CBR4: variants seen among roughly 807,000 people sequenced by gnomAD.
CBR4 encodes 3-oxoacyl-[acyl-carrier-protein] reductase.
Under a neutral mutation model 21.0 loss-of-function variants are expected in CBR4, and 22 were observed. That is an observed-to-expected ratio of 1.05 (90% confidence interval 0.75 to 1.50). The LOEUF is 1.50. Among genes scored for constraint, CBR4 ranks in the 40% most tolerant of loss-of-function variants. The pLI, the probability that CBR4 is intolerant of heterozygous loss-of-function variation, is 0.00. For synonymous variants in CBR4, 100 were observed against 104.4 expected, an observed-to-expected ratio of 0.96 and a Z score of 0.26; for missense variants, 302 against 286.3, an observed-to-expected ratio of 1.05 and a Z score of -0.40.
At chr4:168,944,678 G>A (rs1272911515) in intron 2 of CBR4, among the ~76,000 whole-genome samples, 1 of 152,124 alleles carries the variant, frequency 6.6e-6, no homozygotes, top group African/African-American at 2.4e-5. Flanking sequence ...AAAGAACATG[G>A]AAGAATTTAA....
At chr4:168,904,441 G>C (rs991139797) in intron 2 of CBR4, among the ~76,000 whole-genome samples, 4 of 152,148 alleles carry the variant, frequency 2.6e-5, no homozygotes, top group African/African-American at 9.7e-5. Context: ...TTTGCCTTTA[G>C]ACTTAGGGTC....
chr4:168,904,585 G>GT (rs1167315143), intron 2 of CBR4, among the ~76,000 whole-genome samples: 3 of 151,910 alleles, frequency 2.0e-5, no homozygotes, highest in African/African-American at 7.3e-5. Flanking sequence ...ACAAAAATGA[G>GT]TAAAAAGTTA....
intron 2 of CBR4, chr4:168,916,082 C>T: frequency 6.5e-7 from 1 of 1,527,006 alleles, no homozygotes; most frequent in Non-Finnish European, 9.0e-7. Context: ...CCTCACTTGC[C>T]ATTTCTCTAT....
chr4:169,008,122 A>T (rs1156432225), intron 1 of CBR4, among the ~76,000 whole-genome samples: 1 of 152,008 alleles, frequency 6.6e-6, no homozygotes, highest in Non-Finnish European at 1.5e-5. Context: ...CCTTTTTTGA[A>T]ATTTATGTCT....
rs70961565 is a variant in CBR4 at position 168,959,874 on chromosome 4, T to TAA, written n.169+42195_169+42196dup. 8.6e-3 allele frequency among the ~76,000 whole-genome samples: 1,235 copies of TAA among 143,598 alleles called. 7 individuals carry two copies. The highest frequency in any genetic ancestry group is 0.021 in the South Asian group (95 of 4,530). 94.2% of individuals were successfully genotyped at this position (143,598 alleles called of 152,430 possible). ...CACCACGCCCAGCCTCAATTTCTAT[T>TAA]AAAAAAAAAAAAAAACCTTCTGAAA... is the stretch of plus-strand genomic sequence containing the variant. On this transcript the variant is annotated intron_variant and non_coding_transcript_variant, in intron 2 of 3. Transcript: ENST00000509108.
intron 2 of CBR4, chr4:168,904,146 T>C (rs1757130119): frequency 2.0e-6 from 1 of 500,190 alleles, no homozygotes. Context: ...GGGTCTAATA[T>C]GTACACACTT....
At chr4:168,946,731 A>T (rs1227159500) in intron 2 of CBR4, among the ~76,000 whole-genome samples, 2 of 152,218 alleles carry the variant, frequency 1.3e-5, no homozygotes, top group East Asian at 3.8e-4. Context: ...AAATATTGAC[A>T]AATGTAACCC....
At chr4:168,993,104 T>C (rs952472453) in intron 4 of CBR4, among the ~76,000 whole-genome samples, 1 of 152,294 alleles carries the variant, frequency 6.6e-6, no homozygotes, top group African/African-American at 2.4e-5. Context: ...GAAACTTAAT[T>C]TACAGTGAAG....
intron 4 of CBR4, among the ~76,000 whole-genome samples, chr4:168,998,607 A>T (rs1031086314): frequency 6.6e-6 from 1 of 152,168 alleles, no homozygotes; most frequent in Non-Finnish European, 1.5e-5. Flanking sequence ...TGTGGTGAAG[A>T]TTGAACAATT....
chr4:168,968,934 A>G (rs1027370368), intron 2 of CBR4, among the ~76,000 whole-genome samples: 2 of 152,230 alleles, frequency 1.3e-5, no homozygotes, highest in African/African-American at 4.8e-5. Context: ...CATGCTGATT[A>G]TGCATTCAGG....
At chr4:168,900,073 T>C (rs1756160075) in intron 2 of CBR4, among the ~76,000 whole-genome samples, 1 of 151,536 alleles carries the variant, frequency 6.6e-6, no homozygotes, top group African/African-American at 2.4e-5. Context: ...ACAGCAAGAG[T>C]AGGAGCAACA....
chr4:168,947,892 C>T (rs1763436897), intron 2 of CBR4, among the ~76,000 whole-genome samples: 2 of 152,282 alleles, frequency 1.3e-5, no homozygotes, highest in South Asian at 4.1e-4. Flanking sequence ...GGTAGATACT[C>T]AGTAGTGGGA....
At chr4:168,911,966 G>A (rs1013045578) in intron 2 of CBR4, among the ~76,000 whole-genome samples, 1 of 151,988 alleles carries the variant, frequency 6.6e-6, no homozygotes, top group Non-Finnish European at 1.5e-5. Context: ...TCTCCTGTCT[G>A]TATTACATTC....
intron 4 of CBR4, among the ~76,000 whole-genome samples, chr4:168,997,502 G>A (rs1029854586): frequency 2.6e-5 from 4 of 152,134 alleles, no homozygotes; most frequent in African/African-American, 9.7e-5. Flanking sequence ...ACTGAGGCAG[G>A]AGGATCGCTT....
intron 2 of CBR4, among the ~76,000 whole-genome samples, chr4:168,916,350 A>G (rs912688255): frequency 9.9e-5 from 15 of 152,108 alleles, no homozygotes; most frequent in Admixed American, 3.3e-4. Context: ...AGCTGAAGCT[A>G]TGTGAGCTAT....
intron 2 of CBR4, among the ~76,000 whole-genome samples, chr4:168,955,473 AG>A (rs1763658654): frequency 6.6e-6 from 1 of 152,112 alleles, no homozygotes; most frequent in Non-Finnish European, 1.5e-5. Flanking sequence ...GTATTGCTGG[AG>A]CTATGGATAG....
At chr4:168,922,375 C>T (rs945905626) in intron 2 of CBR4, among the ~76,000 whole-genome samples, 1 of 152,120 alleles carries the variant, frequency 6.6e-6, no homozygotes, top group African/African-American at 2.4e-5. Context: ...CATAACAAAA[C>T]ATTTATTTCT....
intron 2 of CBR4, among the ~76,000 whole-genome samples, chr4:168,945,089 C>T (rs1763368178): frequency 6.6e-6 from 1 of 152,158 alleles, no homozygotes; most frequent in Non-Finnish European, 1.5e-5. Context: ...CTCCTGTATA[C>T]AGCAGTACTC....
intron 2 of CBR4, among the ~76,000 whole-genome samples, chr4:168,904,573 A>ACTCATT (rs1757227385): frequency 6.6e-6 from 1 of 152,094 alleles, no homozygotes; most frequent in Non-Finnish European, 1.5e-5. Flanking sequence ...GATATAGGGG[A>ACTCATT]TACAAAAATG....
Sources: gnomAD v4.1 joint callset for allele counts (sites outside exome capture counted in the v4.1 genomes callset) on GRCh38, gnomAD v4.1.1 for gene constraint, MANE v1.5 for transcripts, NCBI Gene and HGNC (gene_info 2026-07-23, HGNC 2026-07-21) for gene names.